ZNF462: variants seen among roughly 807,000 people sequenced by gnomAD.
The protein encoded by ZNF462 is zinc finger protein 462.
Under a neutral mutation model 201.9 loss-of-function variants are expected in ZNF462, and 10 were observed. That is an observed-to-expected ratio of 0.05 (90% CI 0.03 to 0.08). The LOEUF (loss-of-function observed/expected upper bound fraction) is 0.08. Among genes scored for constraint, ZNF462 ranks in the 10% least tolerant of loss-of-function variants. The pLI, the probability that ZNF462 is intolerant of heterozygous loss-of-function variation, is 1.00. For missense variants in ZNF462, 2,523 were observed against 3,168.3 expected, an observed-to-expected ratio of 0.80 and a Z score of 4.89; for synonymous variants, 1,227 against 1,193.3, an observed-to-expected ratio of 1.03 and a Z score of -0.58.
chr9:106,975,273 T>A (rs969315877), intron 9 of ZNF462: 2 of 152,230 alleles, frequency 1.3e-5, no homozygotes, highest in Non-Finnish European at 2.9e-5. Context: ...TTAGAAAGCC[T>A]TCCAATATTT....
rs1828054102 is a variant in ZNF462, at chr9:106,880,687, C to CTA, written c.-31+17336_-31+17337dup. On this transcript the variant is annotated intron_variant, in intron 1 of 12. Coordinates refer to ENST00000277225, the MANE Select transcript of ZNF462 (RefSeq NM_021224.6). This position sits in a 1 kb window ranked among gnomAD's most constrained non-coding sequence, Gnocchi z 4.1. ...TGGGCCTTTTATAACTGATACTCACCTATATTTCTCTATTTAAATGTGTTT... is the reference window on the plus strand; with the variant it reads ...TGGGCCTTTTATAACTGATACTCACCTATATATTTCTCTATTTAAATGTGTTT... Among the ~76,000 whole-genome samples the CTA allele has an allele frequency of 6.6e-6, 1 of 152,240 alleles. No individual in the cohort carries two copies. Among genetic ancestry groups the CTA allele is most frequent in the South Asian group, 2.1e-4 (1 of 4,812 alleles).
intron 1 of ZNF462, among the ~76,000 whole-genome samples, 182 bp downstream of exon 1, chr9:106,863,537 AGGAGGAGGG>A (rs1023329099): frequency 7.4e-6 from 1 of 135,464 alleles, no homozygotes; most frequent in African/African-American, 2.8e-5. Flanking sequence ...GAGAGAGAAG[AGGAGGAGGG>A]GGAGGAGGGA....
Position 106,939,040 on chromosome 9 carries a change from C to A in ZNF462, c.6360C>A (p.Leu2120=). The A allele has an allele frequency of 6.2e-7, 1 of 1,613,970 alleles. No homozygotes were observed. Among genetic ancestry groups the A allele is most frequent in the Non-Finnish European group, 8.5e-7 (1 of 1,179,930 alleles). Reference sequence around the variant, plus strand: ...TCCCCAGGCCACGGATCGTCAGTCTCCTCTCCTCACACTCCCACCACTCCT... The same window carrying A: ...TCCCCAGGCCACGGATCGTCAGTCTACTCTCCTCACACTCCCACCACTCCT... ...LTLPRPRIVS[L]LSSHSHHSSQ... is the part of the protein sequence containing the mutation. The change falls in exon 7 of 13, where the codon CTC becomes CTA. Residue 2120 remains leucine, a synonymous_variant. Coordinates refer to ENST00000277225, the MANE Select transcript of ZNF462 (RefSeq NM_021224.6).
At chr9:106,945,799 A>T (rs751571093) in intron 7 of ZNF462, among the ~76,000 whole-genome samples, 1 of 152,206 alleles carries the variant, frequency 6.6e-6, no homozygotes. Context: ...CAGTGGAGCA[A>T]AGTGGCATTG....
chr9:106,975,274 TC>T (rs1826914087), intron 9 of ZNF462: 1 of 152,174 alleles, frequency 6.6e-6, no homozygotes, highest in African/African-American at 2.4e-5. Flanking sequence ...TAGAAAGCCT[TC>T]CAATATTTGT....
chr9:106,862,095 G>A (rs912156782), upstream of ZNF462, among the ~76,000 whole-genome samples: 5 of 152,006 alleles, frequency 3.3e-5, no homozygotes, highest in African/African-American at 1.2e-4. This position sits in a 1 kb window ranked among gnomAD's most constrained non-coding sequence, Gnocchi z 4.2. Flanking sequence ...TCCATATCAG[G>A]AAAGAAATAA....
chr9:106,940,776 A>G (rs1195180572), intron 7 of ZNF462, among the ~76,000 whole-genome samples: 1 of 151,970 alleles, frequency 6.6e-6, no homozygotes, highest in Admixed American at 6.6e-5. Context: ...TTCTGGGAAA[A>G]TTCAGAGTCA....
chr9:106,965,831 C>T (rs1253405255), intron 7 of ZNF462, among the ~76,000 whole-genome samples: 1 of 152,082 alleles, frequency 6.6e-6, no homozygotes. Context: ...ATCACTGTCG[C>T]ATACATGAAA....
Position 106,872,282 on chromosome 9 carries a change from T to C in ZNF462, c.-31+8927T>C, listed in dbSNP as rs114493939. 5.2e-3 allele frequency among the ~76,000 whole-genome samples: 787 copies of C among 152,350 alleles called. 10 individuals are homozygous for C. The highest frequency in any genetic ancestry group is 0.018 in the African/African-American group (750 of 41,570). On this transcript the variant is annotated intron_variant, in intron 1 of 12. Transcript: ENST00000277225. This position sits in a 1 kb window ranked among gnomAD's most constrained non-coding sequence, Gnocchi z 4.5. ...AGAATCTTTTCTCTTCAGTGGTTTC[T>C]ATCTTAAATAGTCTTCTCTGAAGAC...
chr9:106,938,803 C>A lies in ZNF462; in HGVS notation c.6236-113C>A. ...TGAGGTTCGTTCATAGAACATGAAG[C>A]TTGAGATGCGCTTCTCTAGCATGAG... On this transcript the variant is annotated intron_variant, in intron 6 of 12. Coordinates refer to ENST00000277225, the MANE Select transcript of ZNF462 (RefSeq NM_021224.6). This position sits in a 1 kb window ranked among gnomAD's most constrained non-coding sequence, Gnocchi z 4.4. 1 of 1,157,050 alleles carries A rather than the reference C, an allele frequency of 8.6e-7. No individual in the cohort carries two copies. The highest frequency in any genetic ancestry group is 1.2e-6 in the Non-Finnish European group (1 of 826,794). The allele number at this position is 1,157,050 out of a possible 1,614,324, so 71.7% of individuals were successfully genotyped here. A position where few individuals can be genotyped will look rare whatever the true frequency, so the allele number is the denominator to read the frequency against.
At chr9:106,908,172 T>A (rs1292420111) in intron 1 of ZNF462, among the ~76,000 whole-genome samples, 1 of 152,154 alleles carries the variant, frequency 6.6e-6, no homozygotes, top group Non-Finnish European at 1.5e-5. Context: ...ATACTTGAAA[T>A]GAAAATATGT....
chr9:106,866,400 C>T (rs563377122), intron 1 of ZNF462, among the ~76,000 whole-genome samples: 33 of 152,186 alleles, frequency 2.2e-4, no homozygotes, highest in Middle Eastern at 3.4e-3. Flanking sequence ...TTTTTCAAAC[C>T]AAACTGTTGT....
At position 106,872,583 on chromosome 9, in the gene ZNF462, G is replaced by C. The variant is rs1471506201; in HGVS notation, c.-31+9228G>C. Among the ~76,000 whole-genome samples the C allele has an allele frequency of 6.6e-6, 1 of 151,986 alleles. No individual in the cohort carries two copies. Among genetic ancestry groups the C allele is most frequent in the Non-Finnish European group, 1.5e-5 (1 of 68,014 alleles). The stretch of plus-strand genomic sequence containing the variant: ...TCACTGTGTTGTCCAGGCTGGTCTC[G>C]AACTCCTGAGCTCAGGCAATCTGCC... On this transcript the variant is annotated intron_variant, in intron 1 of 12. Transcript: ENST00000277225. This position sits in a 1 kb window ranked among gnomAD's most constrained non-coding sequence, Gnocchi z 4.5.
chr9:106,955,329 G>A (rs1430651886), intron 7 of ZNF462, among the ~76,000 whole-genome samples: 1 of 152,132 alleles, frequency 6.6e-6, no homozygotes, highest in Non-Finnish European at 1.5e-5. Flanking sequence ...ACACTATACT[G>A]TAGTTTACTA....
chr9:106,971,294 T>G (rs1366702499), intron 7 of ZNF462, among the ~76,000 whole-genome samples: 1 of 151,848 alleles, frequency 6.6e-6, no homozygotes, highest in Non-Finnish European at 1.5e-5. Flanking sequence ...CTGTGTACAT[T>G]ATGCAGGTTT....
intron 11 of ZNF462, among the ~76,000 whole-genome samples, chr9:107,007,981 G>A (rs555773650): frequency 1.1e-4 from 16 of 152,208 alleles, no homozygotes; most frequent in African/African-American, 3.4e-4. Context: ...TCACAGCCTC[G>A]CAGCCACCCC....
At position 106,929,196 on chromosome 9, in the gene ZNF462, C is replaced by T. The variant is rs572169969; in HGVS notation, c.5284C>T (p.Arg1762Trp). 80 of 1,614,122 alleles carry T rather than the reference C, an allele frequency of 5.0e-5. No homozygotes were observed. In the South Asian group the frequency reaches 7.0e-4, roughly 14 times the overall value. ...CCCTCAGCTGAGCGAGGAACTCCGGCGGGCAGTGGAGAAGAAAAAGTGCTC... is the reference window on the plus strand; with the variant it reads ...CCCTCAGCTGAGCGAGGAACTCCGGTGGGCAGTGGAGAAGAAAAAGTGCTC... The part of the protein sequence containing the change: ...DSPQLSEELR[R>W]AVEKKKCSLC... Residue 1762 changes from arginine to tryptophan, a missense_variant, in exon 3 of 13, where the codon CGG becomes TGG. Physicochemically the swap from Arg to Trp is moderately radical, Grantham distance 101. Coordinates refer to ENST00000277225, the MANE Select transcript of ZNF462 (RefSeq NM_021224.6). This position sits in a 1 kb window ranked among gnomAD's most constrained non-coding sequence, Gnocchi z 8.7.
intron 10 of ZNF462, among the ~76,000 whole-genome samples, chr9:107,000,196 T>G (rs933902248): frequency 3.3e-5 from 5 of 151,940 alleles, no homozygotes; most frequent in Admixed American, 2.6e-4. Context: ...AGGACCTCAG[T>G]AAGTTCAGGG....
In ZNF462 at chr9:106,885,949, G is replaced by C. The variant is rs1460574172; in HGVS notation, c.-31+22594G>C. On this transcript the variant is annotated intron_variant, in intron 1 of 12. Transcript: ENST00000277225. The surrounding 1 kb of genome is among the most constrained non-coding windows in gnomAD (Gnocchi z 4.1). Reference sequence around the variant, plus strand: ...TGTTCTGATAATTATTTGCTCTTTGGATATTTCCTCATCTAGATAGACGGG... The same window carrying C: ...TGTTCTGATAATTATTTGCTCTTTGCATATTTCCTCATCTAGATAGACGGG... Among the ~76,000 whole-genome samples, 1 of 152,130 alleles carries C rather than the reference G, an allele frequency of 6.6e-6. No individual in the cohort carries two copies. The highest frequency in any genetic ancestry group is 2.4e-5 in the African/African-American group (1 of 41,410).
Sources: gnomAD v4.1 joint callset for allele counts (sites outside exome capture counted in the v4.1 genomes callset) on GRCh38, gnomAD v4.1.1 for gene constraint, Gnocchi (gnomAD v3.1) non-coding constraint, MANE v1.5 for transcripts, NCBI Gene and HGNC (gene_info 2026-07-23, HGNC 2026-07-21) for gene names.